Variants in PDGFRL observed in about 807,000 individuals in gnomAD.
PDGFRL encodes platelet derived growth factor receptor like.
PDGFRL carries 46 observed loss-of-function variants against 37.2 expected under a neutral mutation model. The ratio of observed to expected loss-of-function variants is 1.24; its 90% CI spans 0.98 to 1.58. PDGFRL has a LOEUF of 1.58. PDGFRL is among the 40% of genes most tolerant of loss of function. The pLI, the probability that PDGFRL is intolerant of heterozygous loss-of-function variation, is 0.00. For missense variants in PDGFRL, 692 were observed against 467.6 expected (o/e 1.48, Z -4.43); for synonymous variants, 251 against 184.3 (o/e 1.36, Z -2.93).
At chr8:17,586,928 C>G (rs551160869) in intron 1 of PDGFRL, among the ~76,000 whole-genome samples, 1 of 152,156 alleles carries the variant, frequency 6.6e-6, no homozygotes, top group East Asian at 1.9e-4. Flanking sequence ...ATAAATTATA[C>G]GATGCAATAG....
In PDGFRL at chr8:17,583,215, G is replaced by A. The variant is rs76278703; in HGVS notation, c.55+5908G>A. ...CTGCTACAGGGGCAGAACTAACACAGAGAGTCCCTACCAGGGCACTGCCTA... is the reference window on the plus strand; with the variant it reads ...CTGCTACAGGGGCAGAACTAACACAAAGAGTCCCTACCAGGGCACTGCCTA... On this transcript the variant is annotated intron_variant, in intron 1 of 5. Transcript: ENST00000251630. 7.9e-4 allele frequency among the ~76,000 whole-genome samples: 121 copies of A among 152,246 alleles called. 2 individuals carry two copies. In the East Asian group the frequency reaches 0.016, roughly 20 times the overall value.
At chr8:17,606,168 T>C (rs1452597486) in intron 2 of PDGFRL, among the ~76,000 whole-genome samples, 6 of 122,492 alleles carry the variant, frequency 4.9e-5, no homozygotes, top group African/African-American at 9.1e-5. Flanking sequence ...TCTGGTGTTA[T>C]GCTGAGTAAG....
At chr8:17,584,966 C>G (rs1480577130) in intron 1 of PDGFRL, among the ~76,000 whole-genome samples, 1 of 151,926 alleles carries the variant, frequency 6.6e-6, no homozygotes, top group African/African-American at 2.4e-5. Context: ...ATATGCTAAA[C>G]AAGGGGTGGA....
chr8:17,580,249 G>T (rs1452872651), intron 1 of PDGFRL, among the ~76,000 whole-genome samples: 3 of 152,056 alleles, frequency 2.0e-5, no homozygotes, highest in Admixed American at 6.5e-5. Flanking sequence ...CTCTAAGAAG[G>T]TAAGGACAGA....
At chr8:17,590,846 C>G (rs1175435712) in intron 2 of PDGFRL, among the ~76,000 whole-genome samples, 1 of 151,790 alleles carries the variant, frequency 6.6e-6, no homozygotes, top group African/African-American at 2.4e-5. Flanking sequence ...ATATCAACTT[C>G]AACTACTTTT....
chr8:17,588,398 T>C (rs1293379846), intron 1 of PDGFRL, among the ~76,000 whole-genome samples: 1 of 152,092 alleles, frequency 6.6e-6, no homozygotes, highest in Non-Finnish European at 1.5e-5. Flanking sequence ...AAATCTTGGC[T>C]GGGCAGAGTG....
chr8:17,602,107 ATGACCTTGACGGCATC>A (rs1319551011), intron 2 of PDGFRL, among the ~76,000 whole-genome samples: 116 of 152,250 alleles, frequency 7.6e-4, no homozygotes, highest in Middle Eastern at 3.4e-3. Context: ...CCTTTCCTCC[ATGACCTTGACGGCATC>A]TGTTATTTTT....
Position 17,642,802 on chromosome 8 carries a change from C to G in PDGFRL, c.*1C>G. 1 of 1,585,592 alleles carries G rather than the reference C, an allele frequency of 6.3e-7. No individual in the cohort carries two copies. Among genetic ancestry groups the G allele is most frequent in the East Asian group, 2.2e-5 (1 of 44,754 alleles). On this transcript the variant is annotated 3_prime_UTR_variant, in exon 6 of 6. Transcript: ENST00000251630. ...AGCTACCACTGTTGAGTTTTCCTGA[C>G]TTGGAAAAGGAAATGTAATGAACTT...
intron 2 of PDGFRL, among the ~76,000 whole-genome samples, chr8:17,596,994 A>G (rs1440170505): frequency 6.6e-6 from 1 of 152,062 alleles, no homozygotes; most frequent in African/African-American, 2.4e-5. Context: ...CCAGGTGTTC[A>G]TCCAACAAAG....
chr8:17,611,096 A>C (rs17632963), intron 2 of PDGFRL, among the ~76,000 whole-genome samples: 1 of 152,076 alleles, frequency 6.6e-6, no homozygotes, highest in African/African-American at 2.4e-5. Flanking sequence ...AGGCATGCCA[A>C]ACTCTCTTTT....
chr8:17,606,886 G>T (rs28679557), intron 2 of PDGFRL, among the ~76,000 whole-genome samples: 17,895 of 137,922 alleles, frequency 0.13, 1,075 homozygotes, highest in East Asian at 0.19. Context: ...TTCGTTTTTT[G>T]TTTTTTTGTT....
intron 2 of PDGFRL, among the ~76,000 whole-genome samples, chr8:17,618,256 A>G (rs564239303): frequency 2.0e-5 from 3 of 152,098 alleles, no homozygotes; most frequent in South Asian, 2.1e-4. Flanking sequence ...GGGTTTTGCT[A>G]TGTTGCCCAA....
intron 1 of PDGFRL, among the ~76,000 whole-genome samples, chr8:17,586,559 A>G (rs1803821924): frequency 6.6e-6 from 1 of 152,188 alleles, no homozygotes; most frequent in African/African-American, 2.4e-5. Flanking sequence ...CCTGGAGTGA[A>G]CTACTTGGCA....
intron 2 of PDGFRL, among the ~76,000 whole-genome samples, chr8:17,618,671 C>T (rs899767163): frequency 6.6e-6 from 1 of 152,160 alleles, no homozygotes; most frequent in African/African-American, 2.4e-5. Flanking sequence ...AGCTGGATGC[C>T]TGCCTCTCCA....
chr8:17,588,585 A>G (rs1464466389), intron 1 of PDGFRL, among the ~76,000 whole-genome samples: 5 of 152,104 alleles, frequency 3.3e-5, no homozygotes, highest in Non-Finnish European at 7.3e-5. Flanking sequence ...AGGCAGGAGG[A>G]TCACTTGAGC....
At chr8:17,627,033 G>A (rs964671351) in intron 3 of PDGFRL, among the ~76,000 whole-genome samples, 6 of 152,150 alleles carry the variant, frequency 3.9e-5, no homozygotes, top group African/African-American at 1.4e-4. Context: ...CTTGGCAGGC[G>A]CCAGATCCTC....
In PDGFRL at chr8:17,606,203, T is replaced by G. The variant is rs111453839; in HGVS notation, c.354-14848T>G. On this transcript the variant is annotated intron_variant, in intron 2 of 5. Transcript: ENST00000251630. ...GGTATTTTTTTTCAAATAATTTATA[T>G]TTTTCGAAAATACACAGAACGTACA... is the stretch of plus-strand genomic sequence containing the variant. Among the ~76,000 whole-genome samples the G allele has an allele frequency of 8.7e-4, 133 of 152,222 alleles. 1 individual carries two copies. The highest frequency in any genetic ancestry group is 3.0e-3 in the African/African-American group (124 of 41,512).
At chr8:17,577,468 G>C (rs565209488) in intron 1 of PDGFRL, among the ~76,000 whole-genome samples, 161 bp downstream of exon 1, 2 of 152,024 alleles carry the variant, frequency 1.3e-5, no homozygotes, top group African/African-American at 4.8e-5. Context: ...CCTCCTGGTG[G>C]GGTCTCCTTT....
Position 17,635,302 on chromosome 8 carries a change from C to T in PDGFRL, c.939+1089C>T, listed in dbSNP as rs187941857. ...TCTCACCCCTCCCCCCAACCCTTTC[C>T]CCTGAATCCCCAAAGTTCATTGTGT... On this transcript the variant is annotated intron_variant, in intron 5 of 5. Coordinates refer to ENST00000251630, the MANE Select transcript of PDGFRL (RefSeq NM_001372073.1). Among the ~76,000 whole-genome samples, 38 of 152,164 alleles carry T rather than the reference C, an allele frequency of 2.5e-4. 1 individual carries two copies. The East Asian group carries it at 4.9e-3, about 19-fold the overall frequency.
Sources: allele counts gnomAD v4.1 joint callset (sites outside exome capture counted in the v4.1 genomes callset), GRCh38; gene constraint gnomAD v4.1.1; transcripts MANE v1.5; gene names NCBI Gene and HGNC (gene_info 2026-07-23, HGNC 2026-07-21).